Variants in GPRIN1 observed in about 807,000 individuals in gnomAD.
GPRIN1 encodes the protein G protein regulated inducer of neurite outgrowth 1, also known as G protein-regulated inducer of neurite outgrowth 1.
GPRIN1 carries 4 observed loss-of-function variants against 2.8 expected under a neutral mutation model. That is an observed-to-expected ratio of 1.45 (90% confidence interval 0.71 to 3.32). The LOEUF (loss-of-function observed/expected upper bound fraction) is 3.32. Among genes scored for constraint, GPRIN1 ranks in the 30% most tolerant of loss-of-function variants. The pLI, the probability that GPRIN1 is intolerant of heterozygous loss-of-function variation, is 0.01. For synonymous variants in GPRIN1, 589 were observed against 589.9 expected (o/e 1.00, Z 0.02); for missense variants, 1,322 against 1,343.4 (o/e 0.98, Z 0.25).
In GPRIN1 at chr5:176,599,268, G is replaced by A. The variant is rs779015050; in HGVS notation, c.567C>T (p.Ile189=). Reference sequence around the variant, plus strand: ...GAGCCACAGGATCCCCCTTTCCCAAGATTTCAGGCTCTGCCTTTCCTGTAA... The same window carrying A: ...GAGCCACAGGATCCCCCTTTCCCAAAATTTCAGGCTCTGCCTTTCCTGTAA... ...PMFTGKAEPE[I]LGKGDPVAPG... Residue 189 remains isoleucine, a synonymous_variant, in exon 2 of 2, where the codon ATC becomes ATT. Transcript: ENST00000303991. The A allele has an allele frequency of 6.2e-7, 1 of 1,613,994 alleles. No individual in the cohort carries two copies. Among genetic ancestry groups the A allele is most frequent in the East Asian group, 2.2e-5 (1 of 44,866 alleles).
chr5:176,609,244 A>C (rs1265768364), intron 1 of GPRIN1, among the ~76,000 whole-genome samples: 1 of 152,166 alleles, frequency 6.6e-6, no homozygotes, highest in African/African-American at 2.4e-5. Context: ...TGAGCAGGCC[A>C]GGGCAGGGTG....
chr5:176,597,620 C>T lies in GPRIN1; in HGVS notation c.2215G>A (p.Glu739Lys). 1.9e-6 allele frequency: 3 copies of T among 1,600,852 alleles called. No individual in the cohort carries two copies. Among genetic ancestry groups the T allele is most frequent in the Non-Finnish European group, 2.5e-6 (3 of 1,178,798 alleles). Residue 739 changes from glutamate (E) to lysine (K), a missense_variant, in exon 2 of 2, where the codon GAG becomes AAG. Coordinates refer to ENST00000303991, the MANE Select transcript of GPRIN1 (RefSeq NM_052899.3). The surrounding 1 kb of genome is among the most constrained non-coding windows in gnomAD (Gnocchi z 6.1). ...CGGCCTTCACTGCCCCTGGCACCCT[C>T]GGGAGACCGGGCTGAGCCGAGGGCT... ...RKALGSARSP[E>K]GARGSEGRVE...
intron 1 of GPRIN1, among the ~76,000 whole-genome samples, chr5:176,600,999 G>A (rs1759141128): frequency 6.6e-6 from 1 of 152,166 alleles, no homozygotes; most frequent in South Asian, 2.1e-4. Context: ...CTGGAGAAAT[G>A]CAACCTGGTG....
rs781546255 is a variant in GPRIN1, at chr5:176,598,475, C to T, written c.1360G>A (p.Gly454Arg). 6.2e-7 allele frequency: 1 copy of T among 1,614,116 alleles called. No homozygotes were observed. The highest frequency in any genetic ancestry group is 1.1e-5 in the South Asian group (1 of 91,076). The change falls in exon 2 of 2, where the codon GGA becomes AGA. Residue 454 changes from glycine to arginine, a missense_variant. Around this residue, in one of 3 missense-constraint regions of GPRIN1, gnomAD observed 1,117 missense variants for 1,128.6 expected, o/e 0.99. Transcript: ENST00000303991. ...CTGGAGGACACCGGGTCCTCTTTTC[C>T]TGGGGATACAGTTCCTGCCTTTCCC... Reference protein sequence around the residue: ...SVGKAGTVSPGKEDPVSSRRE... With the variant: ...SVGKAGTVSPRKEDPVSSRRE...
In GPRIN1 at chr5:176,597,867, A is replaced by T; in HGVS notation, c.1968T>A (p.Ala656=). Residue 656 remains alanine (A), a synonymous_variant, in exon 2 of 2, where the codon GCT becomes GCA. Transcript: ENST00000303991. This position sits in a 1 kb window ranked among gnomAD's most constrained non-coding sequence, Gnocchi z 6.1. ...EGAAAPGEAG[A]VCLKKETPQA... ...GTGGTGTCTCCTTTTTCAAACACAC[A>T]GCCCCTGCTTCCCCTGGTGCTGCAG... The T allele has an allele frequency of 6.2e-7, 1 of 1,613,388 alleles. No homozygotes were observed. Among genetic ancestry groups the T allele is most frequent in the Non-Finnish European group, 8.5e-7 (1 of 1,179,842 alleles).
At chr5:176,608,582 G>A (rs1051206639) in intron 1 of GPRIN1, among the ~76,000 whole-genome samples, 1 of 152,228 alleles carries the variant, frequency 6.6e-6, no homozygotes, top group African/African-American at 2.4e-5. Context: ...TTGTGCGTAT[G>A]TACACCCTGC....
At position 176,609,512 on chromosome 5, in the gene GPRIN1, G is replaced by A. The variant is rs146282161; in HGVS notation, c.-44+487C>T. On this transcript the variant is annotated intron_variant, in intron 1 of 1. Transcript: ENST00000303991. ...CGGTGTTGTGTGATCGCGCCCCGGA[G>A]TGTGTGCCACACTGGTTGTGTGACG... 4.4e-3 allele frequency among the ~76,000 whole-genome samples: 669 copies of A among 152,324 alleles called. 8 individuals carry two copies. Among genetic ancestry groups the A allele is most frequent in the African/African-American group, 0.015 (603 of 41,570 alleles).
intron 1 of GPRIN1, 103 bp downstream of exon 1, chr5:176,609,896 G>T (rs1430138690): frequency 1.3e-5 from 2 of 151,252 alleles, no homozygotes; most frequent in Admixed American, 6.6e-5. Context: ...CGCCGCCGGG[G>T]GGCTTCGAGG....
At position 176,598,954 on chromosome 5, in the gene GPRIN1, G is replaced by C. The variant is rs372995362; in HGVS notation, c.881C>G (p.Ser294Trp). ...VLSGKRDPGP[S>W]GKADPMPLES... The stretch of plus-strand genomic sequence containing the variant: ...CAAGGGCATGGGATCTGCCTTTCCC[G>C]AGGGCCCAGGATCTCTCTTTCCCGA... The change falls in exon 2 of 2, where the codon TCG becomes TGG. Residue 294 changes from serine (S) to tryptophan (W), a missense_variant. By Grantham distance (177) the Ser-to-Trp change is radical (BLOSUM62 -3). Around this residue, in one of 3 missense-constraint regions of GPRIN1, gnomAD observed 1,117 missense variants for 1,128.6 expected, o/e 0.99. Coordinates refer to ENST00000303991, the MANE Select transcript of GPRIN1 (RefSeq NM_052899.3). 90 of 1,613,926 alleles carry C rather than the reference G, an allele frequency of 5.6e-5. No homozygotes were observed. Among genetic ancestry groups the C allele is most frequent in the Non-Finnish European group, 7.6e-5 (90 of 1,179,952 alleles).
intron 1 of GPRIN1, among the ~76,000 whole-genome samples, chr5:176,601,090 A>G (rs1309475982): frequency 6.6e-6 from 1 of 152,142 alleles, no homozygotes; most frequent in Non-Finnish European, 1.5e-5. Flanking sequence ...TTTAAAAAAA[A>G]AAAACCCAAA....
At position 176,602,018 on chromosome 5, in the gene GPRIN1, A is replaced by G. The variant is rs796584326; in HGVS notation, c.-43-2141T>C. On this transcript the variant is annotated intron_variant, in intron 1 of 1. Transcript: ENST00000303991. This position sits in a 1 kb window ranked among gnomAD's most constrained non-coding sequence, Gnocchi z 4.4. ...TGCAAAGTAAAAGTAAACTCCTTAG[A>G]ATGGCTCAGAAGCCCCTGCATCTTC... Among the ~76,000 whole-genome samples, 37 of 152,284 alleles carry G rather than the reference A, an allele frequency of 2.4e-4. No individual in the cohort carries two copies. Among genetic ancestry groups the G allele is most frequent in the African/African-American group, 8.9e-4 (37 of 41,564 alleles).
In GPRIN1 at chr5:176,598,567, T is replaced by C. The variant is rs752904735; in HGVS notation, c.1268A>G (p.Lys423Arg). 2 of 1,614,150 alleles carry C rather than the reference T, an allele frequency of 1.2e-6. No homozygotes were observed. Among genetic ancestry groups the C allele is most frequent in the East Asian group, 2.2e-5 (1 of 44,884 alleles). ...CTTTCCTGAGCACATGGGGTCCATC[T>C]TTCCCAGAGAAACTGGATCCACCTT... ...SGKVDPVSLG[K>R]MDPMCSGKPE... The change falls in exon 2 of 2, where the codon AAG becomes AGG. Residue 423 changes from lysine to arginine, a missense_variant. By Grantham distance (26) the Lys-to-Arg change is conservative. This residue lies in a region of GPRIN1 where 1,117 missense variants were observed against 1,128.6 expected (regional missense o/e 0.99). Transcript: ENST00000303991.
chr5:176,607,962 G>T, intron 1 of GPRIN1, among the ~76,000 whole-genome samples: 2 of 123,160 alleles, frequency 1.6e-5, no homozygotes, highest in African/African-American at 3.3e-5. Context: ...GTCTCACTCT[G>T]TTACCCAGGC....
chr5:176,607,327 C>A (rs1029227349), intron 1 of GPRIN1, among the ~76,000 whole-genome samples: 3 of 152,168 alleles, frequency 2.0e-5, no homozygotes, highest in Admixed American at 1.3e-4. Context: ...AGCTCCATTA[C>A]CTGGGCCCAG....
intron 1 of GPRIN1, among the ~76,000 whole-genome samples, chr5:176,603,267 C>G (rs916370256): frequency 3.9e-5 from 6 of 152,114 alleles, no homozygotes; most frequent in African/African-American, 1.4e-4. Flanking sequence ...CTCTCTCCCC[C>G]ACCATCTCAG....
chr5:176,597,574 G>A lies in GPRIN1; in HGVS notation c.2261C>T (p.Pro754Leu), dbSNP rs767194099. 13 of 1,590,272 alleles carry A rather than the reference G, an allele frequency of 8.2e-6. No homozygotes were observed. Among genetic ancestry groups the A allele is most frequent in the Non-Finnish European group, 1.1e-5 (13 of 1,175,202 alleles). The change falls in exon 2 of 2, where the codon CCC becomes CTC. Residue 754 changes from proline (P) to leucine (L), a missense_variant. This residue lies in a region of GPRIN1 where 1,117 missense variants were observed against 1,128.6 expected (regional missense o/e 0.99). Coordinates refer to ENST00000303991, the MANE Select transcript of GPRIN1 (RefSeq NM_052899.3). This position sits in a 1 kb window ranked among gnomAD's most constrained non-coding sequence, Gnocchi z 6.1. ...ACTGGAGGCCTCGGTGCTGGACACG[G>A]GCTCGGCCTTCGGCTCCACGCGGCC... is the stretch of plus-strand genomic sequence containing the variant. ...SEGRVEPKAE[P>L]VSSTEASSLG... is the part of the protein sequence containing the mutation.
In GPRIN1 at chr5:176,596,517, AGGCCCCCGTG is replaced by A. The variant is rs1021419938; in HGVS notation, c.*281_*290del. ...GGGGTGGGAGGTGAGGGTGCTGAGCAGGCCCCCGTGGTCGCCCAGTGTGACCGGGAGTAGA... is the reference window on the plus strand; with the variant it reads ...GGGGTGGGAGGTGAGGGTGCTGAGCAGTCGCCCAGTGTGACCGGGAGTAGA... On this transcript the variant is annotated 3_prime_UTR_variant, in exon 2 of 2. Transcript: ENST00000303991. This position sits in a 1 kb window ranked among gnomAD's most constrained non-coding sequence, Gnocchi z 5.2. 2.0e-5 allele frequency: 4 copies of A among 197,344 alleles called. No individual in the cohort carries two copies. The highest frequency in any genetic ancestry group is 9.3e-5 in the African/African-American group (4 of 42,834). 12.2% of individuals were successfully genotyped at this position (197,344 alleles called of 1,614,324 possible).
chr5:176,601,282 T>C (rs1449321826), intron 1 of GPRIN1, among the ~76,000 whole-genome samples: 1 of 152,184 alleles, frequency 6.6e-6, no homozygotes, highest in Non-Finnish European at 1.5e-5. Context: ...CCAAGACCTG[T>C]GAGGAAGCTG....
At chr5:176,608,068 C>T (rs774272836) in intron 1 of GPRIN1, among the ~76,000 whole-genome samples, 23 of 151,822 alleles carry the variant, frequency 1.5e-4, no homozygotes, top group Admixed American at 3.3e-4. Flanking sequence ...TATAGGCATG[C>T]GCCATCACAC....
Sources: gnomAD v4.1 joint callset for allele counts (sites outside exome capture counted in the v4.1 genomes callset) on GRCh38, gnomAD v4.1.1 for gene constraint, gnomAD v4.1.1 regional missense constraint, Gnocchi (gnomAD v3.1) non-coding constraint, MANE v1.5 for transcripts, NCBI Gene and HGNC (gene_info 2026-07-23, HGNC 2026-07-21) for gene names.